SLC39A11: variants seen among roughly 807,000 people sequenced by gnomAD.
SLC39A11 encodes the protein zinc transporter ZIP11.
SLC39A11 carries 33 observed loss-of-function variants against 36.1 expected under a neutral mutation model. The ratio of observed to expected loss-of-function variants is 0.91; its 90% CI spans 0.69 to 1.22. The LOEUF (loss-of-function observed/expected upper bound fraction) is 1.22, where lower values mean the gene tolerates loss of function less well. Among genes scored for constraint, SLC39A11 ranks in the 50% most tolerant of loss-of-function variants. The pLI, the probability that SLC39A11 is intolerant of heterozygous loss-of-function variation, is 0.00. For missense variants in SLC39A11, 432 were observed against 430.3 expected (o/e 1.00, Z -0.03); for synonymous variants, 166 against 170.3 (o/e 0.97, Z 0.20).
At chr17:72,816,450 G>A (rs1010396096) in intron 6 of SLC39A11, among the ~76,000 whole-genome samples, 4 of 1,572 alleles carry the variant, frequency 2.5e-3, no homozygotes, top group African/African-American at 9.4e-3. Context: ...TTAATTAGAA[G>A]CGAAACATTT....
At chr17:72,867,474 T>C (rs1161847102) in intron 5 of SLC39A11, among the ~76,000 whole-genome samples, 1 of 152,244 alleles carries the variant, frequency 6.6e-6, no homozygotes, top group South Asian at 2.1e-4. Flanking sequence ...TACTCCAGCC[T>C]GGGCGACTGC....
At chr17:73,030,688 T>A (rs566486375) in intron 4 of SLC39A11, among the ~76,000 whole-genome samples, 1 of 152,228 alleles carries the variant, frequency 6.6e-6, no homozygotes, top group African/African-American at 2.4e-5. Context: ...TCTCTAGAAC[T>A]TGTCGGGCCC....
At chr17:72,988,856 G>T (rs950974777) in intron 4 of SLC39A11, among the ~76,000 whole-genome samples, 3 of 152,094 alleles carry the variant, frequency 2.0e-5, no homozygotes, top group South Asian at 2.1e-4. Context: ...TTACAGGCGT[G>T]AGCCACCACG....
chr17:72,882,857 C>T (rs62071232), intron 5 of SLC39A11, among the ~76,000 whole-genome samples: 9,323 of 146,990 alleles, frequency 0.063, 311 homozygotes, highest in Middle Eastern at 0.099. Flanking sequence ...AGTGCAATGG[C>T]GCGATCTCAG....
Position 72,720,548 on chromosome 17 carries a change from C to T in SLC39A11, c.671+16102G>A, listed in dbSNP as rs554738477. ...GGAGTGGGGAGTGCTTGTCCTGGAC[C>T]TGAGTGGAAATAGAAATGGGCTGGC... On this transcript the variant is annotated intron_variant, in intron 7 of 9. Coordinates refer to ENST00000255559, the MANE Select transcript of SLC39A11 (RefSeq NM_139177.4). Among the ~76,000 whole-genome samples, 27 of 152,224 alleles carry T rather than the reference C, an allele frequency of 1.8e-4. 2 individuals carry two copies. In the South Asian group the frequency reaches 5.4e-3, roughly 30 times the overall value.
chr17:72,969,837 A>G (rs902435783), intron 4 of SLC39A11, among the ~76,000 whole-genome samples: 8 of 152,330 alleles, frequency 5.3e-5, no homozygotes, highest in Non-Finnish European at 1.0e-4. Context: ...CACAGGCCAC[A>G]GTGTGGAAGG....
chr17:72,777,869 A>ATATGTATGTATGTATATATGTATGTATG (rs2076186905), intron 6 of SLC39A11, among the ~76,000 whole-genome samples: 1 of 149,956 alleles, frequency 6.7e-6, no homozygotes, highest in South Asian at 2.1e-4. Flanking sequence ...ATGTATGTAT[A>ATATGTATGTATGTATATATGTATGTATG]TATGTATGTA....
At chr17:73,057,644 A>G (rs1407129321) in intron 3 of SLC39A11, among the ~76,000 whole-genome samples, 1 of 152,228 alleles carries the variant, frequency 6.6e-6, no homozygotes, top group Non-Finnish European at 1.5e-5. Flanking sequence ...CTAGTTAGAA[A>G]ATGCAGGCTG....
intron 7 of SLC39A11, among the ~76,000 whole-genome samples, chr17:72,668,085 G>T (rs776917310): frequency 1.3e-5 from 2 of 152,088 alleles, no homozygotes; most frequent in Non-Finnish European, 2.9e-5. Context: ...TTTGTACCAT[G>T]AAATCATGTA....
At chr17:72,676,541 C>T (rs183233798) in intron 7 of SLC39A11, among the ~76,000 whole-genome samples, 42 of 152,232 alleles carry the variant, frequency 2.8e-4, no homozygotes, top group African/African-American at 9.6e-4. Context: ...CAATCAGCAG[C>T]AGCATGCAGA....
At chr17:72,741,066 GC>G (rs2074676127) in intron 6 of SLC39A11, among the ~76,000 whole-genome samples, 2 of 152,006 alleles carry the variant, frequency 1.3e-5, no homozygotes, top group Non-Finnish European at 2.9e-5. Flanking sequence ...GAGCCACTGC[GC>G]CCCACCCAAC....
At chr17:72,871,249 G>C (rs1157624006) in intron 5 of SLC39A11, among the ~76,000 whole-genome samples, 1 of 151,836 alleles carries the variant, frequency 6.6e-6, no homozygotes, top group Non-Finnish European at 1.5e-5. Context: ...TCTTAGTAGA[G>C]ACAGGGTTTT....
chr17:73,059,127 A>G (rs142590094), intron 3 of SLC39A11, among the ~76,000 whole-genome samples: 213 of 152,368 alleles, frequency 1.4e-3, no homozygotes, highest in African/African-American at 4.7e-3. Flanking sequence ...ACTGCTAAAC[A>G]TAAGTTTCAA....
At chr17:72,666,766 G>T (rs2070774344) in intron 7 of SLC39A11, among the ~76,000 whole-genome samples, 2 of 152,234 alleles carry the variant, frequency 1.3e-5, no homozygotes, top group South Asian at 4.1e-4. Context: ...CTATTTGCAT[G>T]CAGTTAGAAC....
intron 3 of SLC39A11, among the ~76,000 whole-genome samples, chr17:73,060,725 T>C (rs937319244): frequency 2.6e-5 from 4 of 152,204 alleles, no homozygotes; most frequent in Non-Finnish European, 5.9e-5. Flanking sequence ...TAAGTAATGC[T>C]GAACCTTCTT....
chr17:72,985,413 T>TATTTA (rs1179234264), intron 4 of SLC39A11, among the ~76,000 whole-genome samples: 5 of 136,244 alleles, frequency 3.7e-5, no homozygotes, highest in Admixed American at 2.9e-4. Context: ...CTGCCTTTTT[T>TATTTA]TTTTTTTTTT....
intron 4 of SLC39A11, among the ~76,000 whole-genome samples, chr17:73,015,176 C>CCATATAAG (rs1226016963): frequency 6.6e-6 from 1 of 152,170 alleles, no homozygotes; most frequent in Non-Finnish European, 1.5e-5. Context: ...TTTTCTTCCT[C>CCATATAAG]CATATAAGCA....
chr17:72,987,634 T>C (rs952636518), intron 4 of SLC39A11, among the ~76,000 whole-genome samples: 10 of 152,250 alleles, frequency 6.6e-5, no homozygotes, highest in African/African-American at 2.4e-4. Flanking sequence ...ACTAGAATTC[T>C]TTAGCAATCT....
At chr17:73,014,668 C>T (rs906594992) in intron 4 of SLC39A11, among the ~76,000 whole-genome samples, 1 of 152,180 alleles carries the variant, frequency 6.6e-6, no homozygotes, top group African/African-American at 2.4e-5. Context: ...AAAAACCATG[C>T]GGATGGGCAC....
Sources: allele counts gnomAD v4.1 joint callset (sites outside exome capture counted in the v4.1 genomes callset), GRCh38; gene constraint gnomAD v4.1.1; transcripts MANE v1.5; gene names NCBI Gene and HGNC (gene_info 2026-07-23, HGNC 2026-07-21).